The following FAM3B variants were observed in gnomAD, a reference collection of about 807,000 sequenced individuals.
The protein encoded by FAM3B is FAM3 metabolism regulating signaling molecule B, also known as protein FAM3B.
A neutral mutation model predicts 28.4 loss-of-function variants in FAM3B; 29 were observed. That is an observed-to-expected ratio of 1.02 (90% CI 0.76 to 1.39). FAM3B has a LOEUF of 1.39. Ranked by LOEUF, FAM3B falls within the 40% of genes most tolerant of loss-of-function variation. FAM3B has a pLI of 0.00. For synonymous variants in FAM3B, 91 were observed against 103.0 expected (o/e 0.88, Z 0.71); for missense variants, 266 against 293.9 (o/e 0.91, Z 0.69).
At chr21:41,308,094 A>G (rs1340095361) in intron 1 of FAM3B, among the ~76,000 whole-genome samples, 3 of 152,178 alleles carry the variant, frequency 2.0e-5, no homozygotes, top group African/African-American at 7.2e-5. Context: ...CCCTTACATA[A>G]CTTGTTTCTA....
intron 7 of FAM3B, among the ~76,000 whole-genome samples, 154 bp downstream of exon 7, chr21:41,348,878 CA>C (rs1395741581): frequency 6.6e-6 from 1 of 152,208 alleles, no homozygotes; most frequent in Non-Finnish European, 1.5e-5. Flanking sequence ...ACAGAAGTTT[CA>C]AACTTCTCCA....
chr21:41,354,968 CAATAATAAAAAGACA>C (rs2089153314), intron 7 of FAM3B, among the ~76,000 whole-genome samples: 1 of 152,022 alleles, frequency 6.6e-6, no homozygotes, highest in Non-Finnish European at 1.5e-5. Context: ...TCTTACAACT[CAATAATAAAAAGACA>C]AATAACCCAA....
chr21:41,314,043 C>A (rs1018955163), upstream of FAM3B, among the ~76,000 whole-genome samples: 2 of 152,174 alleles, frequency 1.3e-5, no homozygotes, highest in African/African-American at 2.4e-5. Context: ...AAGCCCTAAT[C>A]TTTCAATTAG....
At chr21:41,343,691 A>C (rs1211035307) in intron 3 of FAM3B, among the ~76,000 whole-genome samples, 1 of 152,250 alleles carries the variant, frequency 6.6e-6, no homozygotes, top group Non-Finnish European at 1.5e-5. Flanking sequence ...GCACATATAC[A>C]ACATGCACAC....
At chr21:41,346,740 A>G (rs2089064220) in intron 5 of FAM3B, among the ~76,000 whole-genome samples, 1 of 151,286 alleles carries the variant, frequency 6.6e-6, no homozygotes, top group Non-Finnish European at 1.5e-5. Flanking sequence ...CCTTATCTTG[A>G]CCCCCTTTCA....
intron 7 of FAM3B, among the ~76,000 whole-genome samples, chr21:41,349,949 C>T (rs2838020): frequency 0.4 from 60,668 of 151,984 alleles, 17,164 homozygotes; most frequent in African/African-American, 0.8. Context: ...TTGCTTATGA[C>T]TGTGCCTGGG....
intron 5 of FAM3B, among the ~76,000 whole-genome samples, chr21:41,346,619 C>T (rs992571081): frequency 6.6e-6 from 1 of 151,960 alleles, no homozygotes; most frequent in Non-Finnish European, 1.5e-5. Context: ...GAACACTCCA[C>T]CTGTGCCACA....
At chr21:41,352,603 G>A (rs1400944440) in intron 7 of FAM3B, among the ~76,000 whole-genome samples, 1 of 152,030 alleles carries the variant, frequency 6.6e-6, no homozygotes, top group Non-Finnish European at 1.5e-5. Flanking sequence ...GACCAGCCTG[G>A]CCAACATGGT....
Position 41,346,559 on chromosome 21 carries a change from C to A in FAM3B, c.398-454C>A, listed in dbSNP as rs117625249. Among the ~76,000 whole-genome samples the A allele has an allele frequency of 2.3e-3, 355 of 152,276 alleles. 3 individuals are homozygous for A. The highest frequency in any genetic ancestry group is 7.9e-3 in the South Asian group (38 of 4,818). ...GGTGTGTTTGCAAGGCCACTCTGCTCAGTGGTCGTGGTGTGGGTGTGGGTG... is the reference window on the plus strand; with the variant it reads ...GGTGTGTTTGCAAGGCCACTCTGCTAAGTGGTCGTGGTGTGGGTGTGGGTG... On this transcript the variant is annotated intron_variant, in intron 5 of 7. Coordinates refer to ENST00000357985, the MANE Select transcript of FAM3B (RefSeq NM_058186.4).
upstream of FAM3B, among the ~76,000 whole-genome samples, chr21:41,313,371 C>A (rs142815796): frequency 3.3e-5 from 5 of 152,338 alleles, no homozygotes; most frequent in South Asian, 2.1e-4. Flanking sequence ...TTACTCAACA[C>A]CACCCTGCGT....
Position 41,326,713 on chromosome 21 carries a change from C to T in FAM3B, c.163+3647C>T, listed in dbSNP as rs2088857959. On this transcript the variant is annotated intron_variant, in intron 2 of 7. Coordinates refer to ENST00000357985, the MANE Select transcript of FAM3B (RefSeq NM_058186.4). This position sits in a 1 kb window ranked among gnomAD's most constrained non-coding sequence, Gnocchi z 4.0. ...ACAATGGCCCCGCTGGAGACGCCAGCACCAGCCCTTTGGGTGAGTGTCCTG... is the reference window on the plus strand; with the variant it reads ...ACAATGGCCCCGCTGGAGACGCCAGTACCAGCCCTTTGGGTGAGTGTCCTG... Among the ~76,000 whole-genome samples the T allele has an allele frequency of 6.6e-6, 1 of 152,224 alleles. No homozygotes were observed. Among genetic ancestry groups the T allele is most frequent in the South Asian group, 2.1e-4 (1 of 4,830 alleles).
intron 2 of FAM3B, 149 bp from the exon 3 acceptor site, chr21:41,338,229 A>T: frequency 1.2e-6 from 1 of 809,124 alleles, no homozygotes; most frequent in Non-Finnish European, 2.0e-6. Flanking sequence ...GGGAATTCTC[A>T]GTGAAGTCTG....
Position 41,357,201 on chromosome 21 carries a change from T to C in FAM3B, c.*4T>C. The stretch of plus-strand genomic sequence containing the variant: ...CATACCCAAAGAACGAAGCTGACAC[T>C]GCAGGGTCCTGAGTAAATGTGTTCT... On this transcript the variant is annotated 3_prime_UTR_variant, in exon 8 of 8. Transcript: ENST00000357985. 1 of 1,603,382 alleles carries C rather than the reference T, an allele frequency of 6.2e-7. No homozygotes were observed. Among genetic ancestry groups the C allele is most frequent in the Non-Finnish European group, 8.5e-7 (1 of 1,171,736 alleles).
chr21:41,338,063 C>G (rs1203989308), intron 2 of FAM3B, among the ~76,000 whole-genome samples: 1 of 152,036 alleles, frequency 6.6e-6, no homozygotes, highest in African/African-American at 2.4e-5. Context: ...TATTGTATTG[C>G]AAATTACATT....
intron 7 of FAM3B, among the ~76,000 whole-genome samples, chr21:41,354,810 T>G (rs2145836606): frequency 6.7e-6 from 1 of 148,718 alleles, no homozygotes; most frequent in African/African-American, 2.6e-5. Context: ...GGAACAAACC[T>G]GCACATCCTG....
chr21:41,308,187 T>C (rs1194188241), intron 1 of FAM3B, among the ~76,000 whole-genome samples: 3 of 152,210 alleles, frequency 2.0e-5, no homozygotes, highest in Admixed American at 6.5e-5. Flanking sequence ...ATAACAACCG[T>C]AGTGACCACT....
At chr21:41,308,215 G>C (rs1004633234) in intron 1 of FAM3B, among the ~76,000 whole-genome samples, 1 of 152,146 alleles carries the variant, frequency 6.6e-6, no homozygotes, top group African/African-American at 2.4e-5. Context: ...TGCCTCATTT[G>C]CATCCAGGAT....
chr21:41,313,997 C>CAAAACA (rs760638999), upstream of FAM3B, among the ~76,000 whole-genome samples: 6 of 152,010 alleles, frequency 3.9e-5, no homozygotes, highest in South Asian at 2.1e-4. Context: ...CCACCCCCAC[C>CAAAACA]AAAACAAAAA....
At chr21:41,345,989 T>C in intron 5 of FAM3B, 1 of 313,504 alleles carries the variant, frequency 3.2e-6, no homozygotes, top group Non-Finnish European at 5.8e-6. Flanking sequence ...TTAGCTCTCA[T>C]GATATAATAA....
Sources: allele counts gnomAD v4.1 joint callset (sites outside exome capture counted in the v4.1 genomes callset), GRCh38; gene constraint gnomAD v4.1.1; non-coding constraint Gnocchi (gnomAD v3.1); transcripts MANE v1.5; gene names NCBI Gene and HGNC (gene_info 2026-07-23, HGNC 2026-07-21).